Variants in RNF135 observed in about 807,000 individuals in gnomAD.
The protein encoded by RNF135 is ring finger protein 135.
RNF135 carries 46 observed loss-of-function variants against 41.9 expected under a neutral mutation model. The observed-to-expected ratio is 1.10, with a 90% CI of 0.87 to 1.40. RNF135 has a LOEUF of 1.40. Among genes scored for constraint, RNF135 ranks in the 40% most tolerant of loss-of-function variants. The pLI, the probability that RNF135 is intolerant of heterozygous loss-of-function variation, is 0.00. For missense variants in RNF135, 539 were observed against 549.8 expected (o/e 0.98, Z 0.20); for synonymous variants, 238 against 223.8 (o/e 1.06, Z -0.57).
At chr17:30,982,390 T>TGAA (rs1239426843) in intron 1 of RNF135, among the ~76,000 whole-genome samples, 6 of 152,182 alleles carry the variant, frequency 3.9e-5, no homozygotes, top group African/African-American at 1.4e-4. Context: ...AGTTTTGCTT[T>TGAA]GTGAAGCGAC....
intron 1 of RNF135, among the ~76,000 whole-genome samples, chr17:30,982,352 G>GT (rs1322028631): frequency 6.6e-6 from 1 of 152,238 alleles, no homozygotes. Context: ...TGCTCCCTCT[G>GT]TGGGTAGGCG....
chr17:30,966,277 G>A (rs1479081352), upstream of RNF135, among the ~76,000 whole-genome samples: 1 of 151,938 alleles, frequency 6.6e-6, no homozygotes, highest in East Asian at 1.9e-4. Context: ...GATGGAGTCA[G>A]CCACGTTACA....
intron 1 of RNF135, among the ~76,000 whole-genome samples, chr17:30,982,140 C>T (rs1185598484): frequency 2.0e-5 from 3 of 152,222 alleles, no homozygotes; most frequent in African/African-American, 7.2e-5. Flanking sequence ...GTGGCACATT[C>T]ACCCAGGCTC....
chr17:30,984,466 G>A (rs1907440628), intron 1 of RNF135, 151 bp from the exon 2 acceptor site: 4 of 787,422 alleles, frequency 5.1e-6, no homozygotes, highest in East Asian at 5.3e-5. Flanking sequence ...CTATATATGT[G>A]AGAGTTTATT....
Position 30,984,701 on chromosome 17 carries a change from C to T in RNF135, c.457C>T (p.Gln153Ter), listed in dbSNP as rs1390596785. Reference protein sequence around the residue: ...EHLVDIVRSLQNQRPLSESGP... With the variant: ...EHLVDIVRSL ...TCTTGTAGACATTGTCAGAAGCCTG[C>T]AGAATCAGAGGCCCCTATCAGAATC... The change falls in exon 2 of 5, where the codon CAG becomes TAG. Residue 153 changes from glutamine to a stop codon, truncating the protein, a stop_gained. Transcript: ENST00000328381. LOFTEE classifies it high-confidence loss of function. 9 of 1,614,144 alleles carry T rather than the reference C, an allele frequency of 5.6e-6. No individual in the cohort carries two copies. The highest frequency in any genetic ancestry group is 6.8e-6 in the Non-Finnish European group (8 of 1,180,028).
At chr17:30,998,428 A>T (rs1341824999) in intron 4 of RNF135, among the ~76,000 whole-genome samples, 2 of 152,168 alleles carry the variant, frequency 1.3e-5, no homozygotes, top group African/African-American at 2.4e-5. Context: ...TATTTATGGG[A>T]TACATAGTGA....
Position 30,997,349 on chromosome 17 carries a change from T to C in RNF135, c.769+18T>C. 6.2e-7 allele frequency: 1 copy of C among 1,607,824 alleles called. No homozygotes were observed. Among genetic ancestry groups the C allele is most frequent in the Non-Finnish European group, 8.5e-7 (1 of 1,174,302 alleles). On this transcript the variant is annotated intron_variant, in intron 4 of 4. Coordinates refer to ENST00000328381, the MANE Select transcript of RNF135 (RefSeq NM_032322.4). ...TGCTCAGTGTAAGTATGTGGTCCAC[T>C]TTAAACATGGGTTTGGCTTGCCGCA...
chr17:30,968,798 G>C (rs999001173), upstream of RNF135: 1 of 152,214 alleles, frequency 6.6e-6, no homozygotes, highest in Admixed American at 6.5e-5. Flanking sequence ...CCAGAAACTT[G>C]GCTGTGAAAT....
At chr17:30,983,300 A>G (rs1307858759) in intron 1 of RNF135, among the ~76,000 whole-genome samples, 2 of 113,838 alleles carry the variant, frequency 1.8e-5, no homozygotes, top group South Asian at 3.1e-4. Context: ...TCATATGGTA[A>G]TTCTAATTAC....
chr17:30,999,010 C>T lies in RNF135; in HGVS notation c.1118C>T (p.Pro373Leu), dbSNP rs1908564069. 6.2e-6 allele frequency: 10 copies of T among 1,614,122 alleles called. No homozygotes were observed. The East Asian group carries it at 2.2e-4, about 36-fold the overall frequency. ...VKETVLGSDR[P>L]GVVGIWLNLE... Reference sequence around the variant, plus strand: ...GAAACTGTCCTTGGCTCAGACAGACCTGGGGTGGTGGGCATCTGGCTGAAC... The same window carrying T: ...GAAACTGTCCTTGGCTCAGACAGACTTGGGGTGGTGGGCATCTGGCTGAAC... Residue 373 changes from proline to leucine, a missense_variant, in exon 5 of 5, where the codon CCT becomes CTT. By Grantham distance (98) the Pro-to-Leu change is moderately conservative. Transcript: ENST00000328381.
upstream of RNF135, chr17:30,970,731 C>T: frequency 2.9e-6 from 1 of 339,764 alleles, no homozygotes; most frequent in Non-Finnish European, 5.4e-6. Context: ...TTTTTTTAAG[C>T]CAACGGACGA....
the RNF135 span, among the ~76,000 whole-genome samples, chr17:30,961,145 A>G: frequency 4.7e-4 from 71 of 152,196 alleles, no homozygotes; most frequent in Non-Finnish European, 8.2e-4. Context: ...GAAGTATTCC[A>G]CTATATGGCT....
rs1555573601 is a variant in RNF135, at chr17:30,981,349, G to GGAGGCA, written c.373-3264_373-3263insCAGAGG. ...TGGCTCAGCATCAGAGGGAGACCGT[G>GGAGGCA]GAGGGAGAGGGAGAGGGAGAGGGAG... On this transcript the variant is annotated intron_variant, in intron 1 of 4. Transcript: ENST00000328381. Among the ~76,000 whole-genome samples, 958 of 149,534 alleles carry GGAGGCA rather than the reference G, an allele frequency of 6.4e-3. 10 individuals are homozygous for GGAGGCA. Among genetic ancestry groups the GGAGGCA allele is most frequent in the African/African-American group, 0.023 (915 of 39,882 alleles).
chr17:30,975,739 C>T (rs1906388615), intron 1 of RNF135: 1 of 1,324,110 alleles, frequency 7.6e-7, no homozygotes, highest in Non-Finnish European at 1.1e-6. Flanking sequence ...ACCTGATTGG[C>T]CTGGTGTACA....
chr17:30,988,247 G>T lies in RNF135; in HGVS notation c.679+141G>T, dbSNP rs1283949949. ...CTGTGGTGTCGTGAATCAGGTAGGG[G>T]TGGGCTGAAGTGATTTTGTGGCTGA... On this transcript the variant is annotated intron_variant, in intron 3 of 4. Coordinates refer to ENST00000328381, the MANE Select transcript of RNF135 (RefSeq NM_032322.4). The T allele has an allele frequency of 6.2e-6, 5 of 800,374 alleles. No individual in the cohort carries two copies. In the African/African-American group the frequency reaches 8.6e-5, roughly 14 times the overall value. The allele number at this position is 800,374 out of a possible 1,614,324, so 49.6% of individuals were successfully genotyped here.
At chr17:30,983,334 TATATATATATATATATA>T (rs1353344712) in intron 1 of RNF135, among the ~76,000 whole-genome samples, 6 of 29,434 alleles carry the variant, frequency 2.0e-4, no homozygotes, top group South Asian at 1.3e-3. Flanking sequence ...TATATATATA[TATATATATATATATATA>T]TATTTTTTTT....
intron 2 of RNF135, among the ~76,000 whole-genome samples, chr17:30,986,401 T>C (rs1192406943): frequency 1.3e-5 from 2 of 152,196 alleles, no homozygotes; most frequent in African/African-American, 2.4e-5. Flanking sequence ...TTCACCATAC[T>C]GGCCAGTCTG....
intron 3 of RNF135, among the ~76,000 whole-genome samples, chr17:30,991,533 C>T (rs1482273151): frequency 6.6e-6 from 1 of 151,734 alleles, no homozygotes; most frequent in Non-Finnish European, 1.5e-5. Flanking sequence ...TCTCCTGCCT[C>T]AGCCTCCTGA....
In RNF135 at chr17:30,988,980, G is replaced by A. The variant is rs191841373; in HGVS notation, c.679+874G>A. Among the ~76,000 whole-genome samples, 194 of 127,226 alleles carry A rather than the reference G, an allele frequency of 1.5e-3. 3 individuals are homozygous for A. Among genetic ancestry groups the A allele is most frequent in the Admixed American group, 0.011 (139 of 12,308 alleles). 83.5% of individuals were successfully genotyped at this position (127,226 alleles called of 152,430 possible). On this transcript the variant is annotated intron_variant, in intron 3 of 4. Transcript: ENST00000328381. The stretch of plus-strand genomic sequence containing the variant: ...AGAGTTTCACCATGTTGGACAGACT[G>A]GTCTCAAACTCCTGACTGCAAGGCT...
Sources: allele counts gnomAD v4.1 joint callset (sites outside exome capture counted in the v4.1 genomes callset), GRCh38; gene constraint gnomAD v4.1.1; transcripts MANE v1.5; gene names NCBI Gene and HGNC (gene_info 2026-07-23, HGNC 2026-07-21).